The following HSD17B4 variants were observed in gnomAD, a reference collection of about 807,000 sequenced individuals.
HSD17B4 encodes the protein hydroxysteroid 17-beta dehydrogenase 4.
A neutral mutation model predicts 101.0 loss-of-function variants in HSD17B4; 70 were observed. The ratio of observed to expected loss-of-function variants is 0.69; its 90% confidence interval spans 0.57 to 0.85. The LOEUF (loss-of-function observed/expected upper bound fraction) is 0.85, where lower values mean the gene tolerates loss of function less well. Ranked by LOEUF, HSD17B4 falls within the 40% of genes least tolerant of loss-of-function variation. The probability of loss-of-function intolerance (pLI) is 0.00; values close to 1 mark genes in which losing one functional copy is unlikely to be tolerated. For missense variants in HSD17B4, 984 were observed against 892.4 expected, an observed-to-expected ratio of 1.10 and a Z score of -1.31; for synonymous variants, 347 against 297.1, an observed-to-expected ratio of 1.17 and a Z score of -1.73.
intron 17 of HSD17B4, among the ~76,000 whole-genome samples, chr5:119,522,512 T>A (rs1404245384): frequency 2.0e-5 from 3 of 152,144 alleles, no homozygotes; most frequent in African/African-American, 7.2e-5. Context: ...ATTGCAATTT[T>A]AGTTTTATGT....
rs555314394 is a variant in HSD17B4 at position 119,536,640 on chromosome 5, T to C, written c.2121+90T>C. 5.5e-4 allele frequency: 673 copies of C among 1,227,266 alleles called. 12 individuals carry two copies. In the South Asian group the frequency reaches 7.8e-3, roughly 14 times the overall value. The allele number at this position is 1,227,266 out of a possible 1,614,324, so 76.0% of individuals were successfully genotyped here. A position where few individuals can be genotyped will look rare whatever the true frequency, so the allele number is the denominator to read the frequency against. ...TTAAGCTGATGCCCAAATTCTGATTTATAAGCCAGGTTTCTTACAACTCTG... is the reference window on the plus strand; with the variant it reads ...TTAAGCTGATGCCCAAATTCTGATTCATAAGCCAGGTTTCTTACAACTCTG... On this transcript the variant is annotated intron_variant, in intron 23 of 23. Transcript: ENST00000510025.
intron 2 of HSD17B4, among the ~76,000 whole-genome samples, chr5:119,458,508 ATT>A (rs35423756): frequency 5.3e-4 from 72 of 136,252 alleles, no homozygotes; most frequent in African/African-American, 5.4e-4. Context: ...AGCCTGGCTA[ATT>A]TTTTTTTTTT....
At chr5:119,527,760 C>T (rs369644528) in intron 20 of HSD17B4, among the ~76,000 whole-genome samples, 10 of 151,984 alleles carry the variant, frequency 6.6e-5, no homozygotes, top group African/African-American at 2.4e-4. Context: ...TCCTATAGAA[C>T]AATAAAATCT....
intron 2 of HSD17B4, among the ~76,000 whole-genome samples, chr5:119,473,025 A>G (rs1030132021): frequency 6.6e-6 from 1 of 151,980 alleles, no homozygotes; most frequent in South Asian, 2.1e-4. Context: ...TCATTCACCT[A>G]TCCATGGACA....
chr5:119,457,220 G>A (rs1754766280), intron 2 of HSD17B4, among the ~76,000 whole-genome samples: 1 of 152,208 alleles, frequency 6.6e-6, no homozygotes, highest in African/African-American at 2.4e-5. Flanking sequence ...AGGGGGATAT[G>A]TAGGACCCAG....
At chr5:119,501,257 A>C (rs1456809204) in intron 13 of HSD17B4, among the ~76,000 whole-genome samples, 1 of 151,762 alleles carries the variant, frequency 6.6e-6, no homozygotes, top group African/African-American at 2.4e-5. Flanking sequence ...GCCGTATGAC[A>C]CAGTAAAGCT....
chr5:119,520,451 C>T (rs572798705), intron 17 of HSD17B4, among the ~76,000 whole-genome samples: 1 of 152,244 alleles, frequency 6.6e-6, no homozygotes, highest in African/African-American at 2.4e-5. Flanking sequence ...GTAACTTCCT[C>T]CTCTTCAGTA....
intron 1 of HSD17B4, among the ~76,000 whole-genome samples, chr5:119,453,482 A>C (rs1378042113): frequency 1.3e-5 from 2 of 152,250 alleles, no homozygotes; most frequent in Non-Finnish European, 2.9e-5. Context: ...GAGATTTTAC[A>C]TTAGTTTCTC....
At chr5:119,482,418 G>C (rs1030213276) in intron 8 of HSD17B4, among the ~76,000 whole-genome samples, 1 of 151,808 alleles carries the variant, frequency 6.6e-6, no homozygotes, top group Non-Finnish European at 1.5e-5. Flanking sequence ...TAAATTCCTT[G>C]TCTGGTACTC....
At chr5:119,511,201 C>T (rs1426890488) in intron 16 of HSD17B4, among the ~76,000 whole-genome samples, 1 of 152,070 alleles carries the variant, frequency 6.6e-6, no homozygotes, top group Non-Finnish European at 1.5e-5. Context: ...AAGTTCTGAC[C>T]CTCTTCACAA....
intron 12 of HSD17B4, among the ~76,000 whole-genome samples, chr5:119,496,854 C>A (rs1750693655): frequency 6.6e-6 from 1 of 152,188 alleles, no homozygotes; most frequent in South Asian, 2.1e-4. Flanking sequence ...GACTTTATAA[C>A]ATACAGCCTG....
intron 2 of HSD17B4, among the ~76,000 whole-genome samples, chr5:119,463,656 T>TTA (rs1755508142): frequency 5.5e-5 from 1 of 18,138 alleles, no homozygotes; most frequent in Non-Finnish European, 9.5e-5. Flanking sequence ...TTTATATGTC[T>TTA]TTTTTTTTTT....
In HSD17B4 at chr5:119,456,330, A is replaced by G. The variant is rs2126610386; in HGVS notation, c.74A>G (p.Tyr25Cys). 2 of 1,611,640 alleles carry G rather than the reference A, an allele frequency of 1.2e-6. No homozygotes were observed. Among genetic ancestry groups the G allele is most frequent in the Non-Finnish European group, 1.7e-6 (2 of 1,177,722 alleles). The change falls in exon 2 of 24, where the codon TAT (tyrosine) becomes TGT (cysteine). Residue 25 changes from tyrosine (Y) to cysteine (C), a missense_variant. Physicochemically the swap from Tyr to Cys is radical, Grantham distance 194. Transcript: ENST00000510025. ...TGAGAGLGRA[Y>C]ALAFAERGAL... is the part of the protein sequence containing the mutation. ...TTTTGATTAGGATTGGGCCGAGCCT[A>G]TGCCCTGGCTTTTGCAGAAAGAGGA...
chr5:119,458,941 A>C (rs1239460989), intron 2 of HSD17B4, among the ~76,000 whole-genome samples: 2 of 152,252 alleles, frequency 1.3e-5, no homozygotes, highest in Non-Finnish European at 2.9e-5. Flanking sequence ...GGACATAAAC[A>C]CAAGAAGGAC....
chr5:119,499,357 C>T lies in HSD17B4; in HGVS notation c.1013C>T (p.Ala338Val), dbSNP rs1189423952. 2.5e-6 allele frequency: 4 copies of T among 1,613,608 alleles called. No individual in the cohort carries two copies. The highest frequency in any genetic ancestry group is 3.3e-5 in the Admixed American group (2 of 60,006). Residue 338 changes from alanine to valine, a missense_variant, in exon 13 of 24, where the codon GCT (alanine) becomes GTT (valine). By Grantham distance (64) the Ala-to-Val change is moderately conservative (BLOSUM62 0). Coordinates refer to ENST00000510025, the MANE Select transcript of HSD17B4 (RefSeq NM_000414.4). ...CAGAAACTCCCTCCATTTTCTTATG[C>T]TTATACGGAACTGGAAGCTATTATG... Reference protein sequence around the residue: ...IGQKLPPFSYAYTELEAIMYA... With the variant: ...IGQKLPPFSYVYTELEAIMYA...
intron 17 of HSD17B4, among the ~76,000 whole-genome samples, chr5:119,522,489 A>T (rs912362278): frequency 6.6e-6 from 1 of 152,160 alleles, no homozygotes; most frequent in Admixed American, 6.5e-5. Flanking sequence ...TGCTAGTTCT[A>T]GATCCCTGAG....
intron 2 of HSD17B4, among the ~76,000 whole-genome samples, chr5:119,468,226 G>A (rs988099046): frequency 7.9e-5 from 12 of 152,026 alleles, no homozygotes; most frequent in Non-Finnish European, 1.6e-4. Flanking sequence ...GCTTTCATAT[G>A]TTTTCATGAT....
intron 10 of HSD17B4, chr5:119,493,574 T>C: frequency 2.2e-6 from 1 of 448,344 alleles, no homozygotes; most frequent in Non-Finnish European, 4.1e-6. Flanking sequence ...CTACCTTTAG[T>C]ACTGTCTGGC....
chr5:119,524,586 A>C (rs968394597), intron 17 of HSD17B4, among the ~76,000 whole-genome samples: 3 of 152,108 alleles, frequency 2.0e-5, no homozygotes, highest in African/African-American at 7.2e-5. Flanking sequence ...AAACGCCAGA[A>C]AGTATGGTGA....
Sources: allele counts gnomAD v4.1 joint callset (sites outside exome capture counted in the v4.1 genomes callset), GRCh38; gene constraint gnomAD v4.1.1; transcripts MANE v1.5; gene names NCBI Gene and HGNC (gene_info 2026-07-23, HGNC 2026-07-21).